DOCK3: variants seen among roughly 807,000 people sequenced by gnomAD.
DOCK3 encodes dedicator of cytokinesis 3.
A neutral mutation model predicts 265.6 loss-of-function variants in DOCK3; 60 were observed. The ratio of observed to expected loss-of-function variants is 0.23; its 90% CI spans 0.18 to 0.28. The LOEUF is 0.28. DOCK3 is among the 10% of genes least tolerant of loss of function. The probability of loss-of-function intolerance (pLI) is 1.00; values close to 1 mark genes in which losing one functional copy is unlikely to be tolerated. For synonymous variants in DOCK3, 881 were observed against 938.0 expected (o/e 0.94, Z 1.11); for missense variants, 1,981 against 2,594.3 (o/e 0.76, Z 5.14).
intron 2 of DOCK3, among the ~76,000 whole-genome samples, chr3:50,791,974 A>AT (rs1289469744): frequency 6.6e-6 from 1 of 151,900 alleles, no homozygotes; most frequent in Non-Finnish European, 1.5e-5. Context: ...TTTAAAATAG[A>AT]TTTTTCTAGT....
intron 1 of DOCK3, among the ~76,000 whole-genome samples, chr3:50,743,322 G>A (rs1268705894): frequency 6.6e-6 from 1 of 152,148 alleles, no homozygotes; most frequent in Non-Finnish European, 1.5e-5. Context: ...CATCATTACA[G>A]GATCAAATTC....
At chr3:51,252,376 T>C (rs538619458) in intron 22 of DOCK3, among the ~76,000 whole-genome samples, 1 of 152,350 alleles carries the variant, frequency 6.6e-6, no homozygotes, top group East Asian at 1.9e-4. Flanking sequence ...AACTTTAAAG[T>C]AGTTTTTTCC....
intron 27 of DOCK3, among the ~76,000 whole-genome samples, chr3:51,288,903 G>GGTGTGT (rs146598674): frequency 1.4e-5 from 2 of 144,176 alleles, no homozygotes; most frequent in African/African-American, 5.1e-5. Flanking sequence ...TGTGTGTGTG[G>GGTGTGT]GTGTGTGTGT....
chr3:50,811,164 G>A (rs370061782), intron 2 of DOCK3, among the ~76,000 whole-genome samples: 32 of 152,124 alleles, frequency 2.1e-4, no homozygotes, highest in African/African-American at 7.5e-4. Flanking sequence ...TGAGGTAGGA[G>A]GATCACTTGA....
intron 12 of DOCK3, among the ~76,000 whole-genome samples, chr3:51,194,260 G>A (rs1028028145): frequency 2.0e-5 from 3 of 152,142 alleles, no homozygotes; most frequent in Non-Finnish European, 4.4e-5. Flanking sequence ...ATTGTGGTTT[G>A]AGAAGATACT....
intron 32 of DOCK3, among the ~76,000 whole-genome samples, chr3:51,328,054 A>G (rs923181299): frequency 2.0e-5 from 3 of 152,174 alleles, no homozygotes; most frequent in African/African-American, 7.2e-5. Context: ...TGGAAGATTC[A>G]TTAAAGCACA....
intron 49 of DOCK3, among the ~76,000 whole-genome samples, chr3:51,366,188 A>G (rs1266322544): frequency 6.6e-6 from 1 of 152,166 alleles, no homozygotes; most frequent in East Asian, 1.9e-4. Flanking sequence ...CTATTGAGGG[A>G]TTCAACTTCT....
At chr3:51,100,368 C>T (rs550953494) in intron 9 of DOCK3, among the ~76,000 whole-genome samples, 77 of 152,268 alleles carry the variant, frequency 5.1e-4, no homozygotes, top group African/African-American at 1.8e-3. Context: ...GTGTCTGAAA[C>T]TCCATTAGAA....
intron 2 of DOCK3, among the ~76,000 whole-genome samples, chr3:50,826,924 G>A (rs1028490265): frequency 6.6e-6 from 1 of 152,200 alleles, no homozygotes; most frequent in Non-Finnish European, 1.5e-5. Context: ...AAGCACATAA[G>A]AGAGAAACTG....
chr3:50,832,207 T>G (rs2045220397), intron 2 of DOCK3, among the ~76,000 whole-genome samples: 1 of 152,142 alleles, frequency 6.6e-6, no homozygotes, highest in Non-Finnish European at 1.5e-5. Context: ...ATACAAAAAT[T>G]AGCTCAAGAC....
At chr3:50,929,372 G>A (rs2050937575) in intron 4 of DOCK3, among the ~76,000 whole-genome samples, 1 of 152,182 alleles carries the variant, frequency 6.6e-6, no homozygotes, top group South Asian at 2.1e-4. Context: ...GAAGTGGGGA[G>A]GGGGCTGCTT....
At chr3:51,061,601 T>C (rs1163729417) in intron 5 of DOCK3, among the ~76,000 whole-genome samples, 1 of 151,852 alleles carries the variant, frequency 6.6e-6, no homozygotes, top group African/African-American at 2.4e-5. Context: ...TTTGGAGATA[T>C]ACCTAACATT....
intron 49 of DOCK3, among the ~76,000 whole-genome samples, chr3:51,372,888 G>T (rs1209056479): frequency 6.6e-6 from 1 of 152,154 alleles, no homozygotes; most frequent in Non-Finnish European, 1.5e-5. Context: ...TAAGAGTACA[G>T]GTTCTAAAAG....
intron 4 of DOCK3, among the ~76,000 whole-genome samples, chr3:50,891,025 G>A (rs994760956): frequency 1.3e-5 from 2 of 151,990 alleles, no homozygotes; most frequent in African/African-American, 2.4e-5. Context: ...ATTTGAGGAG[G>A]GAATATCAAA....
intron 10 of DOCK3, among the ~76,000 whole-genome samples, chr3:51,155,478 G>A (rs1032652172): frequency 1.3e-5 from 2 of 152,170 alleles, no homozygotes; most frequent in Non-Finnish European, 2.9e-5. Flanking sequence ...CTAGATTGAT[G>A]TGTGTGCTGC....
At chr3:51,199,583 C>T (rs886603274) in intron 12 of DOCK3, among the ~76,000 whole-genome samples, 1 of 152,218 alleles carries the variant, frequency 6.6e-6, no homozygotes, top group Non-Finnish European at 1.5e-5. Flanking sequence ...GGCCTGCCTG[C>T]GTCTGTAGGC....
chr3:50,678,811 T>G, intron 1 of DOCK3, among the ~76,000 whole-genome samples: 1 of 151,116 alleles, frequency 6.6e-6, no homozygotes, highest in East Asian at 1.9e-4. Context: ...CTGCCTAATT[T>G]TTTTTTTTCT....
intron 26 of DOCK3, among the ~76,000 whole-genome samples, chr3:51,278,975 G>T (rs1043006218): frequency 6.6e-6 from 1 of 152,110 alleles, no homozygotes; most frequent in Admixed American, 6.5e-5. Flanking sequence ...CAGGCCAGGC[G>T]TGATGGCTCA....
At chr3:51,273,410 T>C (rs961947058) in intron 24 of DOCK3, among the ~76,000 whole-genome samples, 8 of 152,246 alleles carry the variant, frequency 5.3e-5, no homozygotes, top group African/African-American at 1.9e-4. Flanking sequence ...GCATCTTCCC[T>C]GAAGCAAAAG....
Sources: allele counts gnomAD v4.1 joint callset (sites outside exome capture counted in the v4.1 genomes callset), GRCh38; gene constraint gnomAD v4.1.1; transcripts MANE v1.5; gene names NCBI Gene and HGNC (gene_info 2026-07-23, HGNC 2026-07-21).